Variants in SUGCT observed in about 807,000 individuals in gnomAD.
The protein encoded by SUGCT is succinyl-CoA:glutarate CoA-transferase.
Under a neutral mutation model 55.0 loss-of-function variants are expected in SUGCT, and 41 were observed. The observed-to-expected ratio is 0.74, with a 90% CI of 0.58 to 0.97. The LOEUF (loss-of-function observed/expected upper bound fraction) is 0.97, where lower values mean the gene tolerates loss of function less well. SUGCT is among the 50% of genes least tolerant of loss of function. The probability of loss-of-function intolerance (pLI) is 0.00; values close to 1 mark genes in which losing one functional copy is unlikely to be tolerated. For synonymous variants in SUGCT, 187 were observed against 200.4 expected, an observed-to-expected ratio of 0.93 and a Z score of 0.56; for missense variants, 568 against 547.8, an observed-to-expected ratio of 1.04 and a Z score of -0.37.
the SUGCT span, among the ~76,000 whole-genome samples, chr7:40,946,603 A>G: frequency 6.6e-6 from 1 of 152,282 alleles, no homozygotes; most frequent in Admixed American, 6.5e-5. Flanking sequence ...AGGGCTTTTT[A>G]AAGTATGTCT....
chr7:40,971,957 C>T, the SUGCT span, among the ~76,000 whole-genome samples: 1 of 151,648 alleles, frequency 6.6e-6, no homozygotes, highest in African/African-American at 2.4e-5. Flanking sequence ...AATAAGAAAC[C>T]TCATAGATGA....
chr7:40,154,754 C>G (rs1401678471), intron 1 of SUGCT, among the ~76,000 whole-genome samples: 1 of 152,198 alleles, frequency 6.6e-6, no homozygotes, highest in African/African-American at 2.4e-5. Flanking sequence ...CTGTGCTATT[C>G]AGTTGCTCAA....
intron 12 of SUGCT, among the ~76,000 whole-genome samples, chr7:40,650,164 G>T (rs541928503): frequency 6.6e-6 from 1 of 152,174 alleles, no homozygotes; most frequent in African/African-American, 2.4e-5. Context: ...TGCCACGTGG[G>T]TATCTCAGTT....
intron 12 of SUGCT, among the ~76,000 whole-genome samples, chr7:40,508,562 T>G (rs1334427050): frequency 7.0e-6 from 1 of 141,930 alleles, no homozygotes; most frequent in Non-Finnish European, 1.6e-5. Context: ...GTGTAGAGCT[T>G]GGTAGTGATG....
intron 6 of SUGCT, among the ~76,000 whole-genome samples, chr7:40,197,765 C>T (rs567975191): frequency 2.0e-5 from 3 of 152,306 alleles, no homozygotes; most frequent in Admixed American, 6.5e-5. Context: ...TACAAAGTCA[C>T]ATGGCATAGG....
At chr7:40,612,978 C>G (rs969378168) in intron 12 of SUGCT, among the ~76,000 whole-genome samples, 5 of 151,990 alleles carry the variant, frequency 3.3e-5, no homozygotes, top group Admixed American at 3.3e-4. Flanking sequence ...ACTAAAAATA[C>G]AAAAATTAGC....
chr7:40,317,253 G>A (rs1014600737), intron 9 of SUGCT, among the ~76,000 whole-genome samples: 2 of 151,888 alleles, frequency 1.3e-5, no homozygotes, highest in Admixed American at 6.6e-5. Context: ...TATTCTCACA[G>A]GATTGAAGTA....
the SUGCT span, among the ~76,000 whole-genome samples, chr7:40,916,173 G>A: frequency 6.6e-6 from 1 of 151,954 alleles, no homozygotes; most frequent in African/African-American, 2.4e-5. Flanking sequence ...GCAGTGGGTG[G>A]TTGCTATTTG....
chr7:40,898,052 C>G, the SUGCT span, among the ~76,000 whole-genome samples: 3 of 152,168 alleles, frequency 2.0e-5, no homozygotes, highest in African/African-American at 4.8e-5. Flanking sequence ...AATCTTGATG[C>G]TGCTTATTCC....
chr7:40,295,935 A>G (rs952103760), intron 8 of SUGCT, among the ~76,000 whole-genome samples: 11 of 152,074 alleles, frequency 7.2e-5, no homozygotes, highest in African/African-American at 2.7e-4. Flanking sequence ...ACTAGTCATG[A>G]TTTACTTTGC....
chr7:40,411,393 AAAAC>A (rs1157825873), intron 9 of SUGCT, among the ~76,000 whole-genome samples: 4 of 152,238 alleles, frequency 2.6e-5, no homozygotes, highest in African/African-American at 9.6e-5. Context: ...ACTGTGTCTC[AAAAC>A]AAACAAACAA....
Position 40,274,525 on chromosome 7 carries a change from G to T in SUGCT, c.589G>T (p.Val197Phe). The T allele has an allele frequency of 6.2e-7, 1 of 1,612,812 alleles. No homozygotes were observed. The highest frequency in any genetic ancestry group is 8.5e-7 in the Non-Finnish European group (1 of 1,179,568). ...ACCTTCAAATCAGAATGGAGATCCAGTTCGCCCAGGAGTAGCTATGACTGA... is the reference window on the plus strand; with the variant it reads ...ACCTTCAAATCAGAATGGAGATCCATTTCGCCCAGGAGTAGCTATGACTGA... ...HITGPENGDP[V>F]RPGVAMTDLA... The change falls in exon 8 of 14, where the codon GTT becomes TTT. Residue 197 changes from valine to phenylalanine, a missense_variant. Coordinates refer to ENST00000335693, the MANE Select transcript of SUGCT (RefSeq NM_001193313.2).
At chr7:41,022,604 A>G in the SUGCT span, among the ~76,000 whole-genome samples, 1 of 152,314 alleles carries the variant, frequency 6.6e-6, no homozygotes. Context: ...AAGAGAATTA[A>G]AATCCAGGTG....
the SUGCT span, among the ~76,000 whole-genome samples, chr7:40,936,281 G>A: frequency 6.6e-6 from 1 of 151,062 alleles, no homozygotes; most frequent in African/African-American, 2.4e-5. Flanking sequence ...TCTTTTATAG[G>A]TCTTTTCAGA....
At chr7:40,990,707 C>T in the SUGCT span, among the ~76,000 whole-genome samples, 1 of 152,222 alleles carries the variant, frequency 6.6e-6, no homozygotes, top group East Asian at 1.9e-4. Flanking sequence ...CATCAATTTT[C>T]TTAGCTAGAT....
chr7:40,381,494 TTC>T (rs1296159722), intron 9 of SUGCT, among the ~76,000 whole-genome samples: 5 of 152,068 alleles, frequency 3.3e-5, no homozygotes, highest in Admixed American at 3.3e-4. Context: ...GCATTACTGT[TTC>T]TGTTTTCGTA....
chr7:40,333,649 AAAAAAAAAAAAAAAAAAAAATATATAT>A (rs1796454660), intron 9 of SUGCT, among the ~76,000 whole-genome samples: 1 of 48,536 alleles, frequency 2.1e-5, no homozygotes, highest in African/African-American at 9.1e-5. Context: ...AAAAAAAAAA[AAAAAAAAAAAAAAAAAAAAATATATAT>A]ATATATATAT....
chr7:40,795,450 A>T (rs1389003659), intron 13 of SUGCT, among the ~76,000 whole-genome samples: 1 of 152,186 alleles, frequency 6.6e-6, no homozygotes, highest in Admixed American at 6.5e-5. Context: ...AAACAGCTAA[A>T]TAGGAATGTT....
At chr7:40,270,086 A>T (rs1255131164) in intron 7 of SUGCT, among the ~76,000 whole-genome samples, 1 of 149,418 alleles carries the variant, frequency 6.7e-6, no homozygotes, top group East Asian at 2.0e-4. Context: ...CAGTGAGCCG[A>T]GATTACACCA....
Sources: gnomAD v4.1 joint callset for allele counts (sites outside exome capture counted in the v4.1 genomes callset) on GRCh38, gnomAD v4.1.1 for gene constraint, MANE v1.5 for transcripts, NCBI Gene and HGNC (gene_info 2026-07-23, HGNC 2026-07-21) for gene names.